Variants in TXNDC5 observed in about 807,000 individuals in gnomAD.
TXNDC5 encodes thioredoxin domain-containing protein 5.
Under a neutral mutation model 52.6 loss-of-function variants are expected in TXNDC5, and 44 were observed. That is an observed-to-expected ratio of 0.84 (90% CI 0.66 to 1.08). TXNDC5 has a LOEUF of 1.08. Among genes scored for constraint, TXNDC5 ranks in the 50% least tolerant of loss-of-function variants. TXNDC5 has a pLI of 0.00. For synonymous variants in TXNDC5, 241 were observed against 234.4 expected, an observed-to-expected ratio of 1.03 and a Z score of -0.26; for missense variants, 600 against 565.5, an observed-to-expected ratio of 1.06 and a Z score of -0.62.
intron 1 of TXNDC5, among the ~76,000 whole-genome samples, chr6:7,906,792 C>T (rs970570836): frequency 3.3e-5 from 5 of 151,868 alleles, no homozygotes; most frequent in Non-Finnish European, 5.9e-5. Context: ...TCCCACAGAA[C>T]CCTGAAGTGT....
intron 3 of TXNDC5, among the ~76,000 whole-genome samples, chr6:7,895,666 C>T (rs1561811007): frequency 6.6e-6 from 1 of 152,090 alleles, no homozygotes; most frequent in Non-Finnish European, 1.5e-5. Flanking sequence ...GTGCCTGTAA[C>T]CCTAGCATTT....
At chr6:7,892,556 G>T (rs1033181208) in intron 4 of TXNDC5, among the ~76,000 whole-genome samples, 1 of 152,230 alleles carries the variant, frequency 6.6e-6, no homozygotes, top group African/African-American at 2.4e-5. Context: ...ATCTCATCTT[G>T]AATTCCCACA....
At position 7,910,578 on chromosome 6, in the gene TXNDC5, T is replaced by G. The variant is rs144580870; in HGVS notation, c.199A>C (p.Thr67Pro). The stretch of plus-strand genomic sequence containing the variant: ...ATCCCGTGCGTGAACATGTCGGCCG[T>G]GTACAGGTGCTTGCTGTGCGGGTCC... ...GQDPHSKHLY[T>P]ADMFTHGIQS... Residue 67 changes from threonine (T) to proline (P), a missense_variant, in exon 1 of 10, where the codon ACG (threonine) becomes CCG (proline). By Grantham distance (38) the Thr-to-Pro change is conservative. Transcript: ENST00000379757. The G allele has an allele frequency of 7.0e-7, 1 of 1,435,898 alleles. No individual in the cohort carries two copies. Among genetic ancestry groups the G allele is most frequent in the Non-Finnish European group, 9.2e-7 (1 of 1,081,838 alleles). 88.9% of individuals were successfully genotyped at this position (1,435,898 alleles called of 1,614,324 possible).
rs967337454 is a variant in TXNDC5 at position 7,909,759 on chromosome 6, G to A, written c.263+755C>T. 5.1e-6 allele frequency: 5 copies of A among 985,758 alleles called. No homozygotes were observed. In the African/African-American group the frequency reaches 8.7e-5, roughly 17 times the overall value. 61.1% of individuals were successfully genotyped at this position (985,758 alleles called of 1,614,324 possible). A position where few individuals can be genotyped will look rare whatever the true frequency, so the allele number is the denominator to read the frequency against. Reference sequence around the variant, plus strand: ...CGGGGTAGCTCAGCAACCCTCCTCTGCCCGGACCACTCCTTCCTATCCCAC... The same window carrying A: ...CGGGGTAGCTCAGCAACCCTCCTCTACCCGGACCACTCCTTCCTATCCCAC... On this transcript the variant is annotated intron_variant, in intron 1 of 9. Transcript: ENST00000379757.
intron 4 of TXNDC5, chr6:7,894,762 G>A (rs563039442): frequency 2.6e-5 from 26 of 985,372 alleles, no homozygotes; most frequent in Middle Eastern, 5.2e-4. Flanking sequence ...TCCTCAATCC[G>A]TAAAAAAATG....
At chr6:7,908,648 C>T (rs1203052646) in intron 1 of TXNDC5, among the ~76,000 whole-genome samples, 1 of 152,006 alleles carries the variant, frequency 6.6e-6, no homozygotes, top group African/African-American at 2.4e-5. Flanking sequence ...ATAGCGAGAC[C>T]CTGTTTCTAC....
At chr6:7,910,021 G>C in intron 1 of TXNDC5, 1 of 986,076 alleles carries the variant, frequency 1.0e-6, no homozygotes, top group Non-Finnish European at 1.2e-6. Context: ...CTGCCCGAAA[G>C]GGCGACGACC....
intron 4 of TXNDC5, 53 bp downstream of exon 4, chr6:7,895,053 C>G: frequency 6.3e-7 from 1 of 1,579,398 alleles, no homozygotes; most frequent in African/African-American, 1.3e-5. Context: ...AAGCCCAGCA[C>G]GCCAAGGAAT....
intron 7 of TXNDC5, among the ~76,000 whole-genome samples, chr6:7,886,578 C>T (rs986885945): frequency 6.6e-6 from 1 of 152,192 alleles, no homozygotes; most frequent in Non-Finnish European, 1.5e-5. Flanking sequence ...ACCTGTTTTA[C>T]ATTGAACATA....
chr6:7,885,774 G>T (rs561434533), intron 8 of TXNDC5, among the ~76,000 whole-genome samples, 187 bp downstream of exon 8: 2 of 152,148 alleles, frequency 1.3e-5, no homozygotes, highest in South Asian at 4.2e-4. Context: ...ATATAATTAA[G>T]GCCATTGAAG....
At chr6:7,904,149 A>G (rs1760660190) in intron 2 of TXNDC5, among the ~76,000 whole-genome samples, 1 of 152,244 alleles carries the variant, frequency 6.6e-6, no homozygotes, top group African/African-American at 2.4e-5. Flanking sequence ...CAAGGAAGTA[A>G]GTATCATCGT....
rs924749153 is a variant in TXNDC5, at chr6:7,881,635, T to A, written c.*1509A>T. The stretch of plus-strand genomic sequence containing the variant: ...AAAGCTGAAGTTGTGTGTACAAGAC[T>A]CTTGACAGTTGTGCTTCTCTAGGAG... On this transcript the variant is annotated 3_prime_UTR_variant, in exon 10 of 10. Transcript: ENST00000379757. The A allele has an allele frequency of 6.8e-6, 1 of 146,616 alleles. No homozygotes were observed. Among genetic ancestry groups the A allele is most frequent in the East Asian group, 2.0e-4 (1 of 5,118 alleles). 9.1% of individuals were successfully genotyped at this position (146,616 alleles called of 1,614,324 possible).
At position 7,889,515 on chromosome 6, in the gene TXNDC5, AGAG is replaced by A. The variant is rs1760119450; in HGVS notation, c.796_798del (p.Leu266del). 1 of 1,613,662 alleles carries A rather than the reference AGAG, an allele frequency of 6.2e-7. No homozygotes were observed. Among genetic ancestry groups the A allele is most frequent in the Non-Finnish European group, 8.5e-7 (1 of 1,179,572 alleles). On this transcript the variant is annotated inframe_deletion, in exon 6 of 10. Transcript: ENST00000379757. ...CGTACCTTTTTCCCATCTCGGAACCAGAGAAGAGTGGGATAGCCACGAACCTGG... is the reference window on the plus strand; with the variant it reads ...CGTACCTTTTTCCCATCTCGGAACCAAAGAGTGGGATAGCCACGAACCTGG...
chr6:7,885,675 A>G (rs1759943055), intron 8 of TXNDC5, among the ~76,000 whole-genome samples: 1 of 152,198 alleles, frequency 6.6e-6, no homozygotes, highest in Admixed American at 6.5e-5. Flanking sequence ...ATTTGCCTCC[A>G]TTTTTATGTT....
intron 4 of TXNDC5, among the ~76,000 whole-genome samples, chr6:7,892,165 C>T (rs537610418): frequency 1.3e-4 from 20 of 152,336 alleles, no homozygotes; most frequent in Admixed American, 5.9e-4. Flanking sequence ...CTGTCATGGT[C>T]GACCACATCC....
chr6:7,910,778 G>C lies in TXNDC5; in HGVS notation c.-2C>G, dbSNP rs187879976. On this transcript the variant is annotated 5_prime_UTR_variant, in exon 1 of 10. Coordinates refer to ENST00000379757, the MANE Select transcript of TXNDC5 (RefSeq NM_030810.5). ...GAGGCGTCCTGGGCGCGCGGGCATC[G>C]CGGCGGGGCTGGGCGCGCTCTCGCC... The C allele has an allele frequency of 3.3e-3, 3,264 of 989,276 alleles. 84 individuals carry two copies. In the African/African-American group the frequency reaches 0.054, roughly 16 times the overall value. 61.3% of individuals were successfully genotyped at this position (989,276 alleles called of 1,614,324 possible).
chr6:7,893,644 C>T (rs1040479917), intron 4 of TXNDC5, among the ~76,000 whole-genome samples: 6 of 152,220 alleles, frequency 3.9e-5, no homozygotes, highest in Non-Finnish European at 5.9e-5. Context: ...ATTCCCGTAG[C>T]GGAAAGCATG....
intron 1 of TXNDC5, among the ~76,000 whole-genome samples, chr6:7,906,535 C>CA (rs1207193194): frequency 0.079 from 3,329 of 42,028 alleles, 560 homozygotes; most frequent in African/African-American, 0.17. Flanking sequence ...GACTCCATCT[C>CA]AAAAAAAAAA....
At chr6:7,887,485 TCGGACC>T (rs1441700000) in intron 7 of TXNDC5, among the ~76,000 whole-genome samples, 20 of 129,218 alleles carry the variant, frequency 1.5e-4, no homozygotes, top group Non-Finnish European at 2.5e-4. Flanking sequence ...CAGACTCGCC[TCGGACC>T]CTCCCTCCCT....
Sources: allele counts gnomAD v4.1 joint callset (sites outside exome capture counted in the v4.1 genomes callset), GRCh38; gene constraint gnomAD v4.1.1; transcripts MANE v1.5; gene names NCBI Gene and HGNC (gene_info 2026-07-23, HGNC 2026-07-21).